The following ZNF821 variants were observed in gnomAD, a reference collection of about 807,000 sequenced individuals.
The protein encoded by ZNF821 is zinc finger protein 821.
A neutral mutation model predicts 44.3 loss-of-function variants in ZNF821; 16 were observed. The ratio of observed to expected loss-of-function variants is 0.36; its 90% CI spans 0.24 to 0.55. The LOEUF (loss-of-function observed/expected upper bound fraction) is 0.55, where lower values mean the gene tolerates loss of function less well. Among genes scored for constraint, ZNF821 ranks in the 20% least tolerant of loss-of-function variants. ZNF821 has a pLI of 0.86. For missense variants in ZNF821, 436 were observed against 547.6 expected (o/e 0.80, Z 2.03); for synonymous variants, 204 against 197.6 (o/e 1.03, Z -0.27).
intron 1 of ZNF821, 29 bp from the exon 2 acceptor site, chr16:71,883,302 G>C: frequency 2.3e-6 from 1 of 430,182 alleles, no homozygotes; most frequent in Non-Finnish European, 4.7e-6. Flanking sequence ...CAAGAAAGCT[G>C]GTCACTTAGC....
exon 1 of ZNF821, chr16:71,894,949 C>T (rs887247279): frequency 4.5e-6 from 4 of 889,906 alleles, no homozygotes; most frequent in Middle Eastern, 2.2e-4. Context: ...CTGAATTATA[C>T]CACACAGACC....
At chr16:71,864,280 T>C (rs759715666) in intron 5 of ZNF821, 38 bp from the exon 6 acceptor site, 3 of 1,566,812 alleles carry the variant, frequency 1.9e-6, no homozygotes, top group Non-Finnish European at 2.6e-6. Context: ...TAGGACTCTT[T>C]ACTCATCTCT....
rs527624901 is a variant in ZNF821, at chr16:71,879,980, G to A, written c.-34C>T. 1.2e-6 allele frequency: 2 copies of A among 1,608,140 alleles called. No individual in the cohort carries two copies. Among genetic ancestry groups the A allele is most frequent in the African/African-American group, 2.7e-5 (2 of 74,776 alleles). On this transcript the variant is annotated 5_prime_UTR_variant, in exon 3 of 8. Transcript: ENST00000425432. ...GATGCAAGAGCTCTGGTCTTTCCCA[G>A]TTTCACGACTGGATATGTTACTACC...
chr16:71,879,832 C>T (rs1410116146), intron 3 of ZNF821, 75 bp downstream of exon 3: 11 of 1,371,256 alleles, frequency 8.0e-6, no homozygotes, highest in Non-Finnish European at 1.1e-5. Flanking sequence ...GTGAGCTTCT[C>T]CCCTAAATTC....
At chr16:71,869,539 T>TC (rs1336402598) in intron 3 of ZNF821, among the ~76,000 whole-genome samples, 1 of 149,588 alleles carries the variant, frequency 6.7e-6, no homozygotes, top group Non-Finnish European at 1.5e-5. Flanking sequence ...TCTGCAAAAC[T>TC]CCGTGTGGTA....
At position 71,890,874 on chromosome 16, in the gene ZNF821, C is replaced by A. The variant is rs1225645243; in HGVS notation, n.448+4015G>T. On this transcript the variant is annotated intron_variant and non_coding_transcript_variant, in intron 1 of 2. Coordinates refer to the ZNF821 transcript ENST00000561700. ...GCAAGCTCCGCCTCCCAGGTTCACG[C>A]CATTCTCCTGCCTCAGCCTCCCAAG... Among the ~76,000 whole-genome samples the A allele has an allele frequency of 3.4e-5, 5 of 148,916 alleles. No homozygotes were observed. The South Asian group carries it at 1.1e-3, about 32-fold the overall frequency.
chr16:71,895,100 A>C, exon 1 of ZNF821: 1 of 368,776 alleles, frequency 2.7e-6, no homozygotes, highest in Non-Finnish European at 5.0e-6. Context: ...CGCTCCACCC[A>C]GGGGGAAAGT....
In ZNF821 at chr16:71,876,624, G is replaced by A. The variant is rs183703705; in HGVS notation, c.40+3283C>T. 9.2e-5 allele frequency among the ~76,000 whole-genome samples: 14 copies of A among 152,062 alleles called. No individual in the cohort carries two copies. In the South Asian group the frequency reaches 2.3e-3, roughly 25 times the overall value. On this transcript the variant is annotated intron_variant, in intron 3 of 7. Coordinates refer to ENST00000425432, the MANE Select transcript of ZNF821 (RefSeq NM_001201552.2). ...TTTCTTTTTTTGTTTTTGGAGACAGGATCTCACTCCGACGCTCAGGCTGGA... is the reference window on the plus strand; with the variant it reads ...TTTCTTTTTTTGTTTTTGGAGACAGAATCTCACTCCGACGCTCAGGCTGGA...
intron 1 of ZNF821, among the ~76,000 whole-genome samples, chr16:71,890,989 T>G (rs1302283867): frequency 6.6e-6 from 1 of 151,450 alleles, no homozygotes; most frequent in Non-Finnish European, 1.5e-5. Flanking sequence ...TTAGCCAGGA[T>G]GGTCTCCATC....
chr16:71,885,506 T>C (rs1392055138), upstream of ZNF821: 1 of 152,230 alleles, frequency 6.6e-6, no homozygotes, highest in Admixed American at 6.5e-5. Flanking sequence ...AAAAGCATCA[T>C]GCAAATGTTT....
At chr16:71,873,956 ATTT>A (rs138380961) in intron 3 of ZNF821, among the ~76,000 whole-genome samples, 4 of 123,252 alleles carry the variant, frequency 3.2e-5, no homozygotes, top group Admixed American at 9.0e-5. Context: ...CCCGGCTGGA[ATTT>A]TTTTTTTTTT....
chr16:71,861,659 G>A (rs2033912611), intron 7 of ZNF821, 117 bp downstream of exon 7: 2 of 1,211,616 alleles, frequency 1.7e-6, no homozygotes, highest in Admixed American at 2.0e-5. Context: ...TACTTCCAAG[G>A]AGCATGCATC....
chr16:71,872,352 G>A (rs1002771828), intron 3 of ZNF821, among the ~76,000 whole-genome samples: 1 of 152,052 alleles, frequency 6.6e-6, no homozygotes, highest in African/African-American at 2.4e-5. Flanking sequence ...GGTGGCTCAC[G>A]CCTGTAATCC....
chr16:71,869,924 A>G (rs1239576070), intron 3 of ZNF821, among the ~76,000 whole-genome samples: 3 of 152,222 alleles, frequency 2.0e-5, no homozygotes, highest in Non-Finnish European at 2.9e-5. Flanking sequence ...GGTGTGAGTC[A>G]CTGCGCCCAG....
intron 3 of ZNF821, among the ~76,000 whole-genome samples, chr16:71,875,073 G>C (rs1253358771): frequency 6.6e-6 from 1 of 152,112 alleles, no homozygotes; most frequent in Non-Finnish European, 1.5e-5. Flanking sequence ...GCCCCTCCCT[G>C]GGGGTCTGCT....
At position 71,879,972 on chromosome 16, in the gene ZNF821, C is replaced by A. The variant is rs758156618; in HGVS notation, c.-26G>T. ...GTTTCCCTGATGCAAGAGCTCTGGT[C>A]TTTCCCAGTTTCACGACTGGATATG... On this transcript the variant is annotated 5_prime_UTR_variant, in exon 3 of 8. Coordinates refer to ENST00000425432, the MANE Select transcript of ZNF821 (RefSeq NM_001201552.2). The A allele has an allele frequency of 6.2e-7, 1 of 1,611,222 alleles. No homozygotes were observed. The highest frequency in any genetic ancestry group is 8.5e-7 in the Non-Finnish European group (1 of 1,178,874).
At chr16:71,871,476 A>G (rs1306723867) in intron 3 of ZNF821, among the ~76,000 whole-genome samples, 1 of 152,240 alleles carries the variant, frequency 6.6e-6, no homozygotes, top group African/African-American at 2.4e-5. Context: ...GTCCAGAATT[A>G]TCCCTTCATA....
At chr16:71,871,257 G>C (rs1463173946) in intron 3 of ZNF821, among the ~76,000 whole-genome samples, 1 of 152,120 alleles carries the variant, frequency 6.6e-6, no homozygotes, top group Non-Finnish European at 1.5e-5. Flanking sequence ...GGAAAGAAAA[G>C]CTTGTGTTCT....
intron 6 of ZNF821, among the ~76,000 whole-genome samples, chr16:71,863,397 A>ATC (rs1294237336): frequency 6.8e-5 from 9 of 132,170 alleles, no homozygotes; most frequent in African/African-American, 2.6e-4. Flanking sequence ...TTGGAGCAGA[A>ATC]TCTCTTTTTT....
Sources: gnomAD v4.1 joint callset for allele counts (sites outside exome capture counted in the v4.1 genomes callset) on GRCh38, gnomAD v4.1.1 for gene constraint, MANE v1.5 for transcripts, NCBI Gene and HGNC (gene_info 2026-07-23, HGNC 2026-07-21) for gene names.